SP6: variants seen among roughly 807,000 people sequenced by gnomAD.
The protein encoded by SP6 is Sp6 transcription factor.
A neutral mutation model predicts 23.4 loss-of-function variants in SP6; 10 were observed. The observed-to-expected ratio is 0.43, with a 90% confidence interval of 0.26 to 0.72. The LOEUF (loss-of-function observed/expected upper bound fraction) is 0.72. SP6 is among the 30% of genes least tolerant of loss of function. The pLI, the probability that SP6 is intolerant of heterozygous loss-of-function variation, is 0.23. For missense variants in SP6, 482 were observed against 523.8 expected (o/e 0.92, Z 0.78); for synonymous variants, 238 against 238.7 (o/e 1.00, Z 0.03).
chr17:47,846,995 A>C lies in SP6; in HGVS notation c.*304T>G. ...CTGTCTCCTCTAGCCTGTCCCCGCC[A>C]GCCAGCCGCGGTACGGGTGTCCCAC... On this transcript the variant is annotated 3_prime_UTR_variant, in exon 2 of 2. Transcript: ENST00000536300. 1 of 389,894 alleles carries C rather than the reference A, an allele frequency of 2.6e-6. No homozygotes were observed. Among genetic ancestry groups the C allele is most frequent in the Non-Finnish European group, 4.6e-6 (1 of 216,324 alleles). The allele number at this position is 389,894 out of a possible 1,614,324, so 24.2% of individuals were successfully genotyped here.
the SP6 span, among the ~76,000 whole-genome samples, chr17:47,875,555 C>T: frequency 2.0e-5 from 3 of 152,212 alleles, no homozygotes; most frequent in Non-Finnish European, 2.9e-5. Flanking sequence ...CTTGTTGGTC[C>T]AGCCCAAGCA....
the SP6 span, among the ~76,000 whole-genome samples, chr17:47,873,844 T>C: frequency 2.2e-5 from 3 of 137,982 alleles, no homozygotes; most frequent in Non-Finnish European, 3.2e-5. Context: ...TCCTTCTTGC[T>C]TTCCTCCTCC....
chr17:47,850,703 G>A (rs1025089879), intron 1 of SP6, among the ~76,000 whole-genome samples: 8 of 152,160 alleles, frequency 5.3e-5, no homozygotes, highest in African/African-American at 1.9e-4. Context: ...TCCTCTGGTT[G>A]TCCCAGTCGC....
chr17:47,852,850 CT>C (rs1298517535), upstream of SP6, among the ~76,000 whole-genome samples: 5 of 152,142 alleles, frequency 3.3e-5, no homozygotes, highest in Non-Finnish European at 7.3e-5. Context: ...CTCCTGGGGG[CT>C]TAAAGGAATT....
chr17:47,874,417 C>A, the SP6 span, among the ~76,000 whole-genome samples: 1 of 152,120 alleles, frequency 6.6e-6, no homozygotes, highest in African/African-American at 2.4e-5. Flanking sequence ...CCTCAAAATT[C>A]ACTTTAGGAG....
the SP6 span, among the ~76,000 whole-genome samples, chr17:47,863,964 A>G: frequency 6.7e-6 from 1 of 150,308 alleles, no homozygotes; most frequent in Admixed American, 6.6e-5. Context: ...CGGCCTCCCA[A>G]AGTGCTGGGA....
chr17:47,859,110 C>A (rs1179850465), upstream of SP6, among the ~76,000 whole-genome samples: 2 of 152,138 alleles, frequency 1.3e-5, no homozygotes, highest in Non-Finnish European at 2.9e-5. Flanking sequence ...CTTGGCACTT[C>A]CCATCTCCAA....
the SP6 span, among the ~76,000 whole-genome samples, chr17:47,869,181 G>A: frequency 4.6e-5 from 7 of 152,308 alleles, no homozygotes; most frequent in Admixed American, 4.6e-4. Context: ...GGGCCTGAAG[G>A]GACAGGGTAC....
rs762242373 is a variant in SP6 at position 47,848,335 on chromosome 17, T to TGTGGCCTGC, written c.94_95insGCAGGCCAC (p.Tyr32delinsCysArgProHis). On this transcript the variant is annotated protein_altering_variant, in exon 2 of 2. Coordinates refer to ENST00000536300, the MANE Select transcript of SP6 (RefSeq NM_001258248.2). This position sits in a 1 kb window ranked among gnomAD's most constrained non-coding sequence, Gnocchi z 5.3. Reference sequence around the variant, plus strand: ...GGCCTCAGGGCTCGTGTGGCCCTGGTAAGTTTGGAGAGGCTGCAGGTCGAG... The same window carrying TGTGGCCTGC: ...GGCCTCAGGGCTCGTGTGGCCCTGGTGTGGCCTGCAAGTTTGGAGAGGCTGCAGGTCGAG... 5 of 1,608,222 alleles carry TGTGGCCTGC rather than the reference T, an allele frequency of 3.1e-6. No homozygotes were observed. In the East Asian group the frequency reaches 1.1e-4, roughly 36 times the overall value.
chr17:47,858,168 C>A (rs956892501), upstream of SP6, among the ~76,000 whole-genome samples: 1 of 152,068 alleles, frequency 6.6e-6, no homozygotes, highest in Admixed American at 6.6e-5. Context: ...CTCCCTCCGG[C>A]CCCCATCCTC....
chr17:47,852,349 G>T (rs2033966876), upstream of SP6, among the ~76,000 whole-genome samples: 1 of 152,022 alleles, frequency 6.6e-6, no homozygotes, highest in South Asian at 2.1e-4. Context: ...CTCCACCCAC[G>T]CATTCTTCTG....
upstream of SP6, chr17:47,855,690 G>A (rs2033993173): frequency 6.5e-6 from 1 of 152,768 alleles, no homozygotes. Context: ...CGGCAGTGAG[G>A]GCCAAGTGGC....
chr17:47,863,048 G>T, the SP6 span, among the ~76,000 whole-genome samples: 2 of 152,280 alleles, frequency 1.3e-5, no homozygotes, highest in South Asian at 2.1e-4. Flanking sequence ...GCGGTGCCAG[G>T]TTGGCAGTCC....
At chr17:47,856,368 T>TG (rs1439721386), upstream of SP6, among the ~76,000 whole-genome samples, 1 of 151,810 alleles carries the variant, frequency 6.6e-6, no homozygotes, top group African/African-American at 2.4e-5. Context: ...TTGGATGGAG[T>TG]GGGGAAGCTT....
Position 47,845,523 on chromosome 17 carries a change from C to G in SP6, c.*1776G>C, listed in dbSNP as rs762456923. On this transcript the variant is annotated 3_prime_UTR_variant, in exon 2 of 2. Transcript: ENST00000536300. ...TTTGTATACAAACACATATTCCCAC[C>G]CAGATCCCAGCCCCCACTTCCCATA... 3 of 152,562 alleles carry G rather than the reference C, an allele frequency of 2.0e-5. No individual in the cohort carries two copies. The highest frequency in any genetic ancestry group is 4.4e-5 in the Non-Finnish European group (3 of 68,044). The allele number at this position is 152,562 out of a possible 1,614,324, so 9.5% of individuals were successfully genotyped here.
the SP6 span, among the ~76,000 whole-genome samples, chr17:47,873,431 T>G: frequency 6.6e-6 from 1 of 152,184 alleles, no homozygotes; most frequent in Non-Finnish European, 1.5e-5. Flanking sequence ...ATGACAGGCC[T>G]CCTGGAAGCT....
chr17:47,854,323 T>C (rs1345214278), upstream of SP6, among the ~76,000 whole-genome samples: 1 of 152,246 alleles, frequency 6.6e-6, no homozygotes, highest in Non-Finnish European at 1.5e-5. Context: ...CTCATGGGCA[T>C]GCAGCAAAGT....
At chr17:47,852,947 T>A (rs1408317262), upstream of SP6, among the ~76,000 whole-genome samples, 1 of 152,184 alleles carries the variant, frequency 6.6e-6, no homozygotes, top group Non-Finnish European at 1.5e-5. Context: ...ATTAAATAAG[T>A]CAGTTCCAGG....
chr17:47,848,204 C>G lies in SP6; in HGVS notation c.226G>C (p.Val76Leu). Residue 76 changes from valine to leucine, a missense_variant, in exon 2 of 2, where the codon GTA becomes CTA. This residue lies in a region of SP6 where 330 missense variants were observed against 332.3 expected (regional missense o/e 0.99). Transcript: ENST00000536300. The surrounding 1 kb of genome is among the most constrained non-coding windows in gnomAD (Gnocchi z 5.3). ...TCGCTTTCCAGGTCCTCGCAGGTTA[C>G]CCGCGAGGAGGCCCCTGGCAGCTCA... ...GYELPGASSR[V>L]TCEDLESDSP... 6.2e-7 allele frequency: 1 copy of G among 1,612,898 alleles called. No homozygotes were observed. Among genetic ancestry groups the G allele is most frequent in the Non-Finnish European group, 8.5e-7 (1 of 1,179,906 alleles).
Sources: gnomAD v4.1 joint callset for allele counts (sites outside exome capture counted in the v4.1 genomes callset) on GRCh38, gnomAD v4.1.1 for gene constraint, gnomAD v4.1.1 regional missense constraint, Gnocchi (gnomAD v3.1) non-coding constraint, MANE v1.5 for transcripts, NCBI Gene and HGNC (gene_info 2026-07-23, HGNC 2026-07-21) for gene names.